XPA: variants seen among roughly 807,000 people sequenced by gnomAD.
XPA encodes the protein XPA, DNA damage recognition and repair factor.
A neutral mutation model predicts 35.7 loss-of-function variants in XPA; 27 were observed. That is an observed-to-expected ratio of 0.76 (90% CI 0.56 to 1.04). The LOEUF (loss-of-function observed/expected upper bound fraction) is 1.04, where lower values mean the gene tolerates loss of function less well. Ranked by LOEUF, XPA falls within the 50% of genes least tolerant of loss-of-function variation. The probability of loss-of-function intolerance (pLI) is 0.00; values close to 1 mark genes in which losing one functional copy is unlikely to be tolerated. For synonymous variants in XPA, 133 were observed against 118.4 expected (o/e 1.12, Z -0.80); for missense variants, 354 against 342.7 (o/e 1.03, Z -0.26).
chr9:97,659,299 T>G, the XPA span, among the ~76,000 whole-genome samples: 1 of 152,162 alleles, frequency 6.6e-6, no homozygotes. Flanking sequence ...GGTGTGGAGT[T>G]TTTCCAACTT....
chr9:97,656,623 C>A, the XPA span, among the ~76,000 whole-genome samples: 3 of 152,144 alleles, frequency 2.0e-5, no homozygotes, highest in Non-Finnish European at 4.4e-5. Context: ...CACAACATTA[C>A]AAAGAATTCT....
At chr9:97,687,698 G>GGA (rs1828764541) in intron 3 of XPA, among the ~76,000 whole-genome samples, 2 of 152,128 alleles carry the variant, frequency 1.3e-5, no homozygotes, top group African/African-American at 4.8e-5. Flanking sequence ...TATATGAAAA[G>GGA]GAGACCCTAG....
chr9:97,682,433 A>T (rs754004219), intron 5 of XPA: 2 of 518,844 alleles, frequency 3.9e-6, no homozygotes, highest in Non-Finnish European at 7.7e-6. Flanking sequence ...AACAACCTCT[A>T]AAGTAAATCA....
chr9:97,669,000 A>G, the XPA span: 8 of 1,574,866 alleles, frequency 5.1e-6, no homozygotes, highest in South Asian at 4.7e-5. Context: ...ACATTTATAC[A>G]TAAAAGGAAA....
At chr9:97,685,792 A>G (rs1828698858) in intron 4 of XPA, among the ~76,000 whole-genome samples, 1 of 152,240 alleles carries the variant, frequency 6.6e-6, no homozygotes, top group Non-Finnish European at 1.5e-5. Context: ...AAAATGCTGC[A>G]TCACCAATGC....
intron 1 of XPA, among the ~76,000 whole-genome samples, chr9:97,694,191 TTATC>T (rs1828975168): frequency 6.6e-6 from 1 of 152,256 alleles, no homozygotes; most frequent in Admixed American, 6.5e-5. Context: ...CTTCACAAAT[TTATC>T]TAAAGATGCA....
the XPA span, among the ~76,000 whole-genome samples, chr9:97,654,419 T>C: frequency 6.6e-6 from 1 of 152,196 alleles, no homozygotes; most frequent in Admixed American, 6.5e-5. Context: ...AGTTTTATTA[T>C]GGGATTGCAG....
downstream of XPA, chr9:97,673,399 A>C (rs751637016): frequency 4.6e-5 from 7 of 152,220 alleles, no homozygotes; most frequent in Non-Finnish European, 1.0e-4. Flanking sequence ...ATCTTTTCAC[A>C]ATGTACTGAA....
intron 1 of XPA, among the ~76,000 whole-genome samples, chr9:97,696,822 G>T (rs1274102325): frequency 6.6e-6 from 1 of 152,200 alleles, no homozygotes; most frequent in Admixed American, 6.5e-5. Flanking sequence ...TCCCGGCCGG[G>T]GCGGCTGCAT....
downstream of XPA, chr9:97,673,659 A>G (rs896010797): frequency 2.0e-5 from 3 of 152,232 alleles, no homozygotes; most frequent in African/African-American, 7.2e-5. Context: ...CATACAGACA[A>G]AAGATGGCAT....
the XPA span, among the ~76,000 whole-genome samples, chr9:97,663,877 A>AT: frequency 6.6e-6 from 1 of 151,866 alleles, no homozygotes; most frequent in African/African-American, 2.4e-5. Flanking sequence ...GGGAGAATAA[A>AT]TCTTAAGACC....
intron 2 of XPA, among the ~76,000 whole-genome samples, chr9:97,690,757 A>C (rs1828861965): frequency 1.3e-5 from 2 of 152,194 alleles, no homozygotes; most frequent in Non-Finnish European, 2.9e-5. Flanking sequence ...TCCTGACCGC[A>C]GGTGATCCAC....
chr9:97,667,756 A>G, the XPA span, among the ~76,000 whole-genome samples: 1 of 152,224 alleles, frequency 6.6e-6, no homozygotes, highest in Non-Finnish European at 1.5e-5. Flanking sequence ...GTTAAATACA[A>G]TTTAACATTC....
chr9:97,654,604 A>C, the XPA span, among the ~76,000 whole-genome samples: 2 of 152,086 alleles, frequency 1.3e-5, no homozygotes, highest in African/African-American at 4.8e-5. Context: ...AAGCACAATG[A>C]AACAATGTAT....
Position 97,697,306 on chromosome 9 carries a change from C to G in XPA, c.-14G>C, listed in dbSNP as rs1356959832. ...GGCCGCCGCCATCTCTGGCCCACTC[C>G]GAGGACCTAGCTCCCAGCTCCACGC... On this transcript the variant is annotated 5_prime_UTR_variant, in exon 1 of 6. Coordinates refer to ENST00000375128, the MANE Select transcript of XPA (RefSeq NM_000380.4). 1.3e-6 allele frequency: 2 copies of G among 1,597,424 alleles called. No individual in the cohort carries two copies. The highest frequency in any genetic ancestry group is 1.1e-5 in the South Asian group (1 of 91,024).
intron 5 of XPA, chr9:97,682,138 CAA>C (rs1828562294): frequency 7.9e-6 from 3 of 381,408 alleles, no homozygotes; most frequent in East Asian, 1.4e-4. Flanking sequence ...GTAGTAAGAT[CAA>C]TTCTCAAACT....
chr9:97,663,959 A>C, the XPA span, among the ~76,000 whole-genome samples: 1 of 151,596 alleles, frequency 6.6e-6, no homozygotes, highest in Admixed American at 6.6e-5. Context: ...TGGATGGATC[A>C]CTTGAAGCCA....
At chr9:97,688,010 A>G (rs1299416663) in intron 3 of XPA, among the ~76,000 whole-genome samples, 1 of 152,208 alleles carries the variant, frequency 6.6e-6, no homozygotes, top group Non-Finnish European at 1.5e-5. Context: ...ATAAAAGTTA[A>G]AACTGGGAAG....
chr9:97,668,744 G>C, the XPA span: 19 of 1,312,680 alleles, frequency 1.4e-5, no homozygotes, highest in Non-Finnish European at 1.9e-5. Context: ...TAGAATATAA[G>C]TCTTAACATT....
Sources: allele counts gnomAD v4.1 joint callset (sites outside exome capture counted in the v4.1 genomes callset), GRCh38; gene constraint gnomAD v4.1.1; transcripts MANE v1.5; gene names NCBI Gene and HGNC (gene_info 2026-07-23, HGNC 2026-07-21).